Variants in PBX1 observed in about 807,000 individuals in gnomAD.
PBX1 encodes the protein pre-B-cell leukemia transcription factor 1.
Under a neutral mutation model 53.4 loss-of-function variants are expected in PBX1, and 6 were observed. That is an observed-to-expected ratio of 0.11 (90% CI 0.06 to 0.22). PBX1 has a LOEUF of 0.22. Ranked by LOEUF, PBX1 falls within the 10% of genes least tolerant of loss-of-function variation. The pLI is 1.00. For synonymous variants in PBX1, 204 were observed against 212.3 expected, an observed-to-expected ratio of 0.96 and a Z score of 0.34; for missense variants, 251 against 551.4, an observed-to-expected ratio of 0.46 and a Z score of 5.46.
At chr1:164,768,374 A>G (rs1410645412) in intron 2 of PBX1, among the ~76,000 whole-genome samples, 1 of 152,186 alleles carries the variant, frequency 6.6e-6, no homozygotes, top group African/African-American at 2.4e-5. Context: ...AGCCCAGGAC[A>G]CAGAGGGGCA....
At chr1:164,843,232 G>A (rs929612075) in intron 8 of PBX1, among the ~76,000 whole-genome samples, 2 of 152,116 alleles carry the variant, frequency 1.3e-5, no homozygotes, top group African/African-American at 2.4e-5. Context: ...ATAATATACC[G>A]TCCTATAAAG....
intron 2 of PBX1, among the ~76,000 whole-genome samples, chr1:164,701,168 G>C (rs1663099804): frequency 6.6e-6 from 1 of 152,170 alleles, no homozygotes; most frequent in African/African-American, 2.4e-5. Flanking sequence ...GATACATAGA[G>C]TGGTAAGATA....
chr1:164,704,888 T>C (rs1273314422), intron 2 of PBX1, among the ~76,000 whole-genome samples: 2 of 152,228 alleles, frequency 1.3e-5, no homozygotes, highest in Non-Finnish European at 2.9e-5. Context: ...TGAAGTAATA[T>C]ATTGTTGCAT....
intron 2 of PBX1, among the ~76,000 whole-genome samples, chr1:164,621,954 C>T (rs930681265): frequency 6.6e-6 from 1 of 152,108 alleles, no homozygotes; most frequent in Admixed American, 6.6e-5. Context: ...TTGATTCTTC[C>T]TCCCTGTAAA....
chr1:164,832,150 G>T (rs1303054974), intron 8 of PBX1, among the ~76,000 whole-genome samples: 1 of 152,018 alleles, frequency 6.6e-6, no homozygotes, highest in Non-Finnish European at 1.5e-5. Flanking sequence ...TATCCAGATA[G>T]ACCCTTGACC....
At chr1:164,875,988 G>GTGTATATATATATATATATA (rs776802784) in intron 2 of PBX1, among the ~76,000 whole-genome samples, 11 of 56,928 alleles carry the variant, frequency 1.9e-4, no homozygotes, top group South Asian at 8.7e-4. Flanking sequence ...TGGTGTATGT[G>GTGTATATATATATATATATA]TATATATATA....
At chr1:164,651,204 C>T (rs955578808) in intron 2 of PBX1, among the ~76,000 whole-genome samples, 3 of 152,038 alleles carry the variant, frequency 2.0e-5, no homozygotes, top group African/African-American at 7.3e-5. Context: ...GATCTCACCC[C>T]CCTCCCCATT....
chr1:164,776,934 T>TGTAGG (rs1667685529), intron 2 of PBX1, among the ~76,000 whole-genome samples: 1 of 56,062 alleles, frequency 1.8e-5, no homozygotes, highest in African/African-American at 7.1e-5. Flanking sequence ...TGTGTGTGTG[T>TGTAGG]GGTGGGAGGA....
intron 8 of PBX1, among the ~76,000 whole-genome samples, chr1:164,825,246 C>G (rs940199382): frequency 1.3e-5 from 2 of 152,184 alleles, no homozygotes; most frequent in Non-Finnish European, 2.9e-5. Context: ...CACTGAGTCT[C>G]AAGCCCAGCT....
In PBX1 at chr1:164,846,870, C is replaced by CT. The variant is rs554904027; in HGVS notation, c.*202dup. Reference sequence around the variant, plus strand: ...TGGACACTTCTTTATACTCTCTTCCCTTTTTTTTCTGGGTAGAAGCCACCC... The same window carrying CT: ...TGGACACTTCTTTATACTCTCTTCCCTTTTTTTTTCTGGGTAGAAGCCACCC... On this transcript the variant is annotated 3_prime_UTR_variant, in exon 9 of 9. Coordinates refer to ENST00000420696, the MANE Select transcript of PBX1 (RefSeq NM_002585.4). 4.0e-5 allele frequency: 56 copies of CT among 1,403,550 alleles called. No individual in the cohort carries two copies. Among genetic ancestry groups the CT allele is most frequent in the Middle Eastern group, 2.7e-4 (1 of 3,752 alleles). The allele number at this position is 1,403,550 out of a possible 1,614,324, so 86.9% of individuals were successfully genotyped here. A position where few individuals can be genotyped will look rare whatever the true frequency, so the allele number is the denominator to read the frequency against.
chr1:164,814,875 T>C (rs1340472578), intron 6 of PBX1: 2 of 152,240 alleles, frequency 1.3e-5, no homozygotes, highest in Non-Finnish European at 2.9e-5. Context: ...TATTGATATG[T>C]TCCATGTCTC....
chr1:164,806,366 T>C (rs1425332045), intron 4 of PBX1, among the ~76,000 whole-genome samples: 1 of 152,234 alleles, frequency 6.6e-6, no homozygotes, highest in Non-Finnish European at 1.5e-5. Context: ...GCTTTTGTTT[T>C]ACCATTTAGC....
chr1:164,640,958 C>T (rs1292056506), intron 2 of PBX1: 1 of 152,506 alleles, frequency 6.6e-6, no homozygotes, highest in African/African-American at 2.4e-5. Flanking sequence ...TGCTTAAGAC[C>T]CTTAAAGCTG....
intron 2 of PBX1, among the ~76,000 whole-genome samples, chr1:164,618,415 T>C (rs1657445607): frequency 6.7e-6 from 1 of 150,184 alleles, no homozygotes; most frequent in Non-Finnish European, 1.5e-5. Context: ...TGTCTCCTAC[T>C]CCGTTGCTCA....
chr1:164,778,735 C>T (rs1035286059), intron 2 of PBX1, among the ~76,000 whole-genome samples: 4 of 151,952 alleles, frequency 2.6e-5, no homozygotes, highest in Admixed American at 6.6e-5. Context: ...TTCAGGAAAA[C>T]AGAAATGAAA....
chr1:164,886,025 T>C (rs1672768791), intron 2 of PBX1, among the ~76,000 whole-genome samples: 1 of 151,516 alleles, frequency 6.6e-6, no homozygotes, highest in African/African-American at 2.5e-5. Flanking sequence ...AGGTGATTAA[T>C]AAATATTTCT....
intron 2 of PBX1, chr1:164,683,132 C>T (rs1451543837): frequency 6.6e-6 from 1 of 152,186 alleles, no homozygotes; most frequent in African/African-American, 2.4e-5. Context: ...ATAACAGTAA[C>T]ATCCTGTATT....
At chr1:164,740,942 G>A (rs1221616399) in intron 2 of PBX1, among the ~76,000 whole-genome samples, 3 of 152,154 alleles carry the variant, frequency 2.0e-5, no homozygotes, top group Non-Finnish European at 2.9e-5. Context: ...TTTAAATACT[G>A]TTAAATATGG....
At chr1:164,567,744 G>C (rs550666083) in intron 2 of PBX1, among the ~76,000 whole-genome samples, 1 of 152,306 alleles carries the variant, frequency 6.6e-6, no homozygotes, top group African/African-American at 2.4e-5. Flanking sequence ...TCTGGCTTTT[G>C]AGAAGTGCAA....
Sources: allele counts gnomAD v4.1 joint callset (sites outside exome capture counted in the v4.1 genomes callset), GRCh38; gene constraint gnomAD v4.1.1; transcripts MANE v1.5; gene names NCBI Gene and HGNC (gene_info 2026-07-23, HGNC 2026-07-21).